The following POU2F1 variants were observed in gnomAD, a reference collection of about 807,000 sequenced individuals.
POU2F1 encodes the protein POU domain, class 2, transcription factor 1.
A neutral mutation model predicts 84.9 loss-of-function variants in POU2F1; 16 were observed. The ratio of observed to expected loss-of-function variants is 0.19; its 90% confidence interval spans 0.13 to 0.29. The LOEUF (loss-of-function observed/expected upper bound fraction) is 0.29, where lower values mean the gene tolerates loss of function less well. Ranked by LOEUF, POU2F1 falls within the 10% of genes least tolerant of loss-of-function variation. POU2F1 has a pLI of 1.00. For synonymous variants in POU2F1, 368 were observed against 368.3 expected (o/e 1.00, Z 0.01); for missense variants, 738 against 942.6 (o/e 0.78, Z 2.84).
Position 167,421,771 on chromosome 1 carries a change from G to T in POU2F1, c.*5961G>T, listed in dbSNP as rs1442949083. The T allele has an allele frequency of 6.6e-6, 1 of 152,162 alleles. No homozygotes were observed. The highest frequency in any genetic ancestry group is 1.9e-4 in the East Asian group (1 of 5,178). 9.4% of individuals were successfully genotyped at this position (152,162 alleles called of 1,614,324 possible). ...TAAACTAAAAACCAAATAAATAAGTGAAAAAATTTTATAAATAGTGGAAAT... is the reference window on the plus strand; with the variant it reads ...TAAACTAAAAACCAAATAAATAAGTTAAAAAATTTTATAAATAGTGGAAAT... On this transcript the variant is annotated 3_prime_UTR_variant, in exon 16 of 16. Coordinates refer to ENST00000367866, the MANE Select transcript of POU2F1 (RefSeq NM_002697.4).
At chr1:167,311,674 A>G (rs2102601755) in intron 1 of POU2F1, among the ~76,000 whole-genome samples, 1 of 152,284 alleles carries the variant, frequency 6.6e-6, no homozygotes, top group East Asian at 1.9e-4. Flanking sequence ...TTTCAAATAG[A>G]AAAAGCTCAT....
intron 1 of POU2F1, among the ~76,000 whole-genome samples, chr1:167,299,208 T>C (rs115088840): frequency 0.013 from 1,892 of 145,642 alleles, 40 homozygotes; most frequent in African/African-American, 0.043. Flanking sequence ...AAAAGAAATA[T>C]GGAAGGAGTT....
chr1:167,364,611 T>C (rs1288602394), intron 2 of POU2F1, among the ~76,000 whole-genome samples: 1 of 143,508 alleles, frequency 7.0e-6, no homozygotes, highest in African/African-American at 2.6e-5. Flanking sequence ...AAGTTTTAGC[T>C]CTATTACCCA....
intron 1 of POU2F1, among the ~76,000 whole-genome samples, chr1:167,311,976 A>C (rs1028516633): frequency 6.7e-6 from 1 of 149,242 alleles, no homozygotes; most frequent in African/African-American, 2.5e-5. Context: ...ATGGAGTCTT[A>C]CTCTGTTTCC....
At chr1:167,330,577 A>G (rs1657016890) in intron 1 of POU2F1, among the ~76,000 whole-genome samples, 1 of 152,194 alleles carries the variant, frequency 6.6e-6, no homozygotes, top group East Asian at 1.9e-4. Flanking sequence ...AGTAAGTATT[A>G]TTTAAACAGT....
chr1:167,414,766 G>C, intron 15 of POU2F1: 1 of 955,172 alleles, frequency 1.0e-6, no homozygotes, highest in Non-Finnish European at 1.2e-6. Flanking sequence ...TAGAAATCAA[G>C]TATTTAGCCT....
At chr1:167,401,908 T>G (rs950208117) in intron 13 of POU2F1, among the ~76,000 whole-genome samples, 1 of 152,220 alleles carries the variant, frequency 6.6e-6, no homozygotes, top group African/African-American at 2.4e-5. Flanking sequence ...GTTCTTGATC[T>G]GTTACTGATA....
chr1:167,233,965 A>G (rs1649262738), intron 1 of POU2F1, among the ~76,000 whole-genome samples: 1 of 152,182 alleles, frequency 6.6e-6, no homozygotes, highest in African/African-American at 2.4e-5. Flanking sequence ...AGTGACCCCC[A>G]TGGGGTGTGT....
chr1:167,296,316 A>G (rs1654287720), intron 1 of POU2F1, among the ~76,000 whole-genome samples: 1 of 152,140 alleles, frequency 6.6e-6, no homozygotes, highest in Non-Finnish European at 1.5e-5. Context: ...ACTTTCTCAT[A>G]TTGTAACACA....
At chr1:167,235,393 A>G (rs1025746049) in intron 1 of POU2F1, among the ~76,000 whole-genome samples, 1 of 152,246 alleles carries the variant, frequency 6.6e-6, no homozygotes, top group African/African-American at 2.4e-5. Flanking sequence ...GACATGTTCA[A>G]CATCACAATA....
At chr1:167,345,076 T>A (rs1269205826) in intron 2 of POU2F1, among the ~76,000 whole-genome samples, 1 of 152,076 alleles carries the variant, frequency 6.6e-6, no homozygotes, top group Admixed American at 6.6e-5. Context: ...GGGAGGGAAC[T>A]TAGAGGACGG....
At chr1:167,231,822 C>T (rs1010132015) in intron 1 of POU2F1, among the ~76,000 whole-genome samples, 2 of 152,110 alleles carry the variant, frequency 1.3e-5, no homozygotes, top group Non-Finnish European at 2.9e-5. Flanking sequence ...ATCATGTTTA[C>T]AATGAGATGT....
At chr1:167,327,976 A>G (rs1324862147) in intron 1 of POU2F1, among the ~76,000 whole-genome samples, 1 of 152,208 alleles carries the variant, frequency 6.6e-6, no homozygotes, top group Non-Finnish European at 1.5e-5. Flanking sequence ...TGTGATGATT[A>G]GGCTGTTGTC....
At chr1:167,272,488 T>G (rs1427247767) in intron 1 of POU2F1, among the ~76,000 whole-genome samples, 1 of 151,960 alleles carries the variant, frequency 6.6e-6, no homozygotes, top group Non-Finnish European at 1.5e-5. Context: ...GAAAAGAGGT[T>G]TAATTGGCTC....
chr1:167,370,223 G>A lies in POU2F1; in HGVS notation c.282+9G>A, dbSNP rs1479634562. On this transcript the variant is annotated intron_variant, in intron 4 of 15. Coordinates refer to ENST00000367866, the MANE Select transcript of POU2F1 (RefSeq NM_002697.4). ...AGTCTTTAAATGTACAGGTAAGCTG[G>A]GACCTGGGATTATGGGTCAATCTTT... The A allele has an allele frequency of 5.0e-6, 8 of 1,586,524 alleles. No individual in the cohort carries two copies. Among genetic ancestry groups the A allele is most frequent in the Non-Finnish European group, 6.9e-6 (8 of 1,162,422 alleles).
At chr1:167,326,223 G>T (rs1424991565) in intron 1 of POU2F1, among the ~76,000 whole-genome samples, 1 of 152,066 alleles carries the variant, frequency 6.6e-6, no homozygotes, top group Non-Finnish European at 1.5e-5. Context: ...GAAAGCAGTG[G>T]GATTGGATTA....
chr1:167,296,055 A>T (rs17348720), intron 1 of POU2F1, among the ~76,000 whole-genome samples: 8,642 of 151,888 alleles, frequency 0.057, 294 homozygotes, highest in Non-Finnish European at 0.076. Context: ...TGTACAGTTA[A>T]GTCGTGAGTT....
chr1:167,277,439 T>G (rs1490838975), intron 1 of POU2F1, among the ~76,000 whole-genome samples: 1 of 151,308 alleles, frequency 6.6e-6, no homozygotes, highest in Admixed American at 6.6e-5. Context: ...TGGAATTGAA[T>G]CTGTTCAGAA....
chr1:167,299,695 G>GTTTTTTTTTTTTTTTTTTTTTTTTTT (rs571000920), intron 1 of POU2F1, among the ~76,000 whole-genome samples: 7 of 139,340 alleles, frequency 5.0e-5, no homozygotes, highest in African/African-American at 2.0e-4. Context: ...GGAGACCAGA[G>GTTTTTTTTTTTTTTTTTTTTTTTTTT]TTTTTTTTTT....
Sources: allele counts gnomAD v4.1 joint callset (sites outside exome capture counted in the v4.1 genomes callset), GRCh38; gene constraint gnomAD v4.1.1; transcripts MANE v1.5; gene names NCBI Gene and HGNC (gene_info 2026-07-23, HGNC 2026-07-21).